The following GK variants were observed in gnomAD, a reference collection of about 807,000 sequenced individuals.
The protein encoded by GK is ATP:glycerol 3-phosphotransferase.
A neutral mutation model predicts 56.4 loss-of-function variants in GK; 9 were observed. That is an observed-to-expected ratio of 0.16 (90% CI 0.10 to 0.28). The LOEUF is 0.28. GK is among the 10% of genes least tolerant of loss of function. The pLI, the probability that GK is intolerant of heterozygous loss-of-function variation, is 1.00. For synonymous variants in GK, 104 were observed against 144.1 expected, an observed-to-expected ratio of 0.72 and a Z score of 1.99; for missense variants, 161 against 431.4, an observed-to-expected ratio of 0.37 and a Z score of 5.55.
chrX:30,700,557 A>T (rs1221938833), intron 10 of GK, 108 bp downstream of exon 10: 10 of 670,935 alleles, frequency 1.5e-5, no homozygotes, highest in Non-Finnish European at 2.1e-5. Context: ...AAAACAAGTA[A>T]AAGTTGCAAA....
chrX:30,699,251 A>G, intron 9 of GK, among the ~76,000 whole-genome samples: 2 of 100,462 alleles, frequency 2.0e-5, no homozygotes, highest in Non-Finnish European at 4.0e-5. Flanking sequence ...AACATGTTAT[A>G]TATACATGTT....
At chrX:30,692,592 C>T (rs1307939990) in intron 5 of GK, among the ~76,000 whole-genome samples, 1 of 109,739 alleles carries the variant, frequency 9.1e-6, no homozygotes, top group African/African-American at 3.3e-5. Context: ...GATTCTCCTG[C>T]CTCAGCCTCC....
chrX:30,684,490 A>G (rs1312890201), intron 4 of GK, among the ~76,000 whole-genome samples: 1 of 110,773 alleles, frequency 9.0e-6, no homozygotes. Context: ...ACATGGAGAA[A>G]CCCCGTCTCT....
intron 3 of GK, among the ~76,000 whole-genome samples, chrX:30,675,454 C>T (rs1174243175): frequency 9.2e-6 from 1 of 108,747 alleles, no homozygotes; most frequent in East Asian, 2.9e-4. Flanking sequence ...ACCTCGGCCT[C>T]CCAAAGTGCT....
chrX:30,713,932 G>T (rs1167949213), intron 13 of GK, among the ~76,000 whole-genome samples: 1 of 112,044 alleles, frequency 8.9e-6, no homozygotes, highest in Non-Finnish European at 1.9e-5. Flanking sequence ...CTGAGGCCAG[G>T]GTACTTGTCT....
intron 4 of GK, among the ~76,000 whole-genome samples, chrX:30,679,659 T>C (rs1934171543): frequency 8.9e-6 from 1 of 111,933 alleles, no homozygotes; most frequent in Admixed American, 9.5e-5. Context: ...CCTTCTCTTC[T>C]GCCTGTGTCC....
intron 6 of GK, 113 bp downstream of exon 6, chrX:30,694,650 G>T: frequency 1.6e-6 from 1 of 610,388 alleles, no homozygotes; most frequent in Non-Finnish European, 2.6e-6. Context: ...GCATTATGAA[G>T]AAAAACCACT....
chrX:30,693,011 CTTTTTTT>C (rs1184645786), intron 5 of GK, among the ~76,000 whole-genome samples: 2 of 56,600 alleles, frequency 3.5e-5, no homozygotes, highest in Non-Finnish European at 6.5e-5. Flanking sequence ...TTTTTCTTTT[CTTTTTTT>C]TTTTTTTTTT....
chrX:30,661,340 T>C (rs1394133303), intron 1 of GK, among the ~76,000 whole-genome samples: 1 of 111,114 alleles, frequency 9.0e-6, no homozygotes, highest in African/African-American at 3.3e-5. Context: ...TGTTGCTCTT[T>C]TTCCTGCTTG....
intron 9 of GK, among the ~76,000 whole-genome samples, chrX:30,698,866 CAAAA>C (rs386416832): frequency 2.3e-5 from 1 of 43,343 alleles, no homozygotes; most frequent in Non-Finnish European, 3.9e-5. Flanking sequence ...AACTCCATCT[CAAAA>C]AAAAAAAAAA....
chrX:30,726,392 A>G (rs1186132774), intron 19 of GK, among the ~76,000 whole-genome samples: 1 of 108,528 alleles, frequency 9.2e-6, no homozygotes, highest in Non-Finnish European at 1.9e-5. Flanking sequence ...GGTTCAAGCA[A>G]TTCTCCTGCC....
At chrX:30,718,676 T>C in intron 14 of GK, 60 bp downstream of exon 14, 1 of 696,747 alleles carries the variant, frequency 1.4e-6, no homozygotes, top group Non-Finnish European at 2.3e-6. Context: ...CAGTATTTTA[T>C]CTCTGCAAAG....
intron 9 of GK, 34 bp downstream of exon 9, chrX:30,697,783 C>G (rs1276791894): frequency 9.3e-7 from 1 of 1,074,508 alleles, no homozygotes; most frequent in African/African-American, 1.8e-5. Context: ...TGTACCCATT[C>G]ATTTGGAAAA....
Position 30,669,373 on chromosome X carries a change from G to A in GK, c.259+1255G>A, listed in dbSNP as rs766772846. 3.6e-4 allele frequency among the ~76,000 whole-genome samples: 39 copies of A among 109,715 alleles called. No homozygotes were observed. The highest frequency in any genetic ancestry group is 1.0e-3 in the African/African-American group (31 of 30,144). On this transcript the variant is annotated intron_variant, in intron 3 of 20. Coordinates refer to ENST00000427190, the MANE Select transcript of GK (RefSeq NM_001205019.2). ...AATTTTTTGTATTTTTTGTAGAGAC[G>A]GGGTTTCACCATGCTGGCCAGGCTG...
intron 3 of GK, among the ~76,000 whole-genome samples, chrX:30,672,837 G>A (rs1421012822): frequency 9.0e-6 from 1 of 111,335 alleles, no homozygotes; most frequent in Admixed American, 9.5e-5. Flanking sequence ...AAAATAAAAA[G>A]CTTTATCTCT....
At chrX:30,668,856 A>C (rs940070543) in intron 3 of GK, among the ~76,000 whole-genome samples, 8 of 111,179 alleles carry the variant, frequency 7.2e-5, no homozygotes, top group African/African-American at 2.6e-4. Flanking sequence ...GCTGCTATGG[A>C]AGTCCTGAGA....
intron 11 of GK, among the ~76,000 whole-genome samples, chrX:30,705,845 CACTT>C (rs1185553316): frequency 8.9e-6 from 1 of 112,150 alleles, no homozygotes; most frequent in East Asian, 2.8e-4. Flanking sequence ...TAAGTATACT[CACTT>C]AAGAATTCAC....
chrX:30,708,461 A>T (rs1039909709), intron 13 of GK, among the ~76,000 whole-genome samples: 1 of 107,783 alleles, frequency 9.3e-6, no homozygotes, highest in Non-Finnish European at 1.9e-5. Flanking sequence ...CATTTCTTTC[A>T]TCTTGAAAAT....
intron 11 of GK, among the ~76,000 whole-genome samples, chrX:30,701,380 G>A (rs1429323990): frequency 8.9e-6 from 1 of 112,487 alleles, no homozygotes; most frequent in African/African-American, 3.2e-5. Context: ...TTGTATGCCA[G>A]CCTGGGCAAC....
Sources: gnomAD v4.1 joint callset for allele counts (sites outside exome capture counted in the v4.1 genomes callset) on GRCh38, gnomAD v4.1.1 for gene constraint, MANE v1.5 for transcripts, NCBI Gene and HGNC (gene_info 2026-07-23, HGNC 2026-07-21) for gene names.